The following PTPRK variants were observed in gnomAD, a reference collection of about 807,000 sequenced individuals.
The protein encoded by PTPRK is protein tyrosine phosphatase receptor type K.
A neutral mutation model predicts 178.0 loss-of-function variants in PTPRK; 75 were observed. The observed-to-expected ratio is 0.42, with a 90% CI of 0.35 to 0.51. The LOEUF (loss-of-function observed/expected upper bound fraction) is 0.51, where lower values mean the gene tolerates loss of function less well. Ranked by LOEUF, PTPRK falls within the 20% of genes least tolerant of loss-of-function variation. The pLI is 0.02. For synonymous variants in PTPRK, 637 were observed against 620.6 expected, an observed-to-expected ratio of 1.03 and a Z score of -0.39; for missense variants, 1,441 against 1,797.8, an observed-to-expected ratio of 0.80 and a Z score of 3.59.
In PTPRK at chr6:128,049,075, TA is replaced by T. The variant is rs374663139; in HGVS notation, c.2194+15682del. Among the ~76,000 whole-genome samples the T allele has an allele frequency of 3.1e-4, 47 of 152,118 alleles. No individual in the cohort carries two copies. The East Asian group carries it at 7.1e-3, about 23-fold the overall frequency. On this transcript the variant is annotated intron_variant, in intron 13 of 29. Coordinates refer to ENST00000368226, the MANE Select transcript of PTPRK (RefSeq NM_002844.4). ...GAATAGACAAGAAACATTATTAAAT[TA>T]AAAAAAACCTCTTTCACCATAAATA...
At chr6:128,281,807 A>G (rs1821717387) in intron 3 of PTPRK, among the ~76,000 whole-genome samples, 1 of 152,192 alleles carries the variant, frequency 6.6e-6, no homozygotes, top group South Asian at 2.1e-4. Flanking sequence ...GCCAGTGGCC[A>G]TATACTTATA....
intron 7 of PTPRK, among the ~76,000 whole-genome samples, chr6:128,132,045 A>T (rs1410461672): frequency 1.3e-5 from 2 of 152,240 alleles, no homozygotes; most frequent in Non-Finnish European, 2.9e-5. Context: ...TGCTCCTAAA[A>T]TTTCCACATT....
chr6:128,128,988 A>C (rs1218140926), intron 7 of PTPRK, among the ~76,000 whole-genome samples: 3 of 152,228 alleles, frequency 2.0e-5, no homozygotes, highest in Non-Finnish European at 4.4e-5. Flanking sequence ...CATTTTGAAA[A>C]GTAAGGCCTA....
chr6:128,421,885 G>A (rs910949347), intron 1 of PTPRK, among the ~76,000 whole-genome samples: 3 of 152,188 alleles, frequency 2.0e-5, no homozygotes, highest in Non-Finnish European at 4.4e-5. Context: ...TGGCTTATAA[G>A]AACACCTTAC....
At chr6:128,467,385 C>G (rs1008210657) in intron 1 of PTPRK, among the ~76,000 whole-genome samples, 7 of 152,142 alleles carry the variant, frequency 4.6e-5, no homozygotes, top group African/African-American at 1.4e-4. Flanking sequence ...AAAGTAAACC[C>G]TGCACATAGA....
intron 1 of PTPRK, among the ~76,000 whole-genome samples, chr6:128,482,911 C>T (rs530057408): frequency 4.6e-5 from 7 of 152,280 alleles, no homozygotes; most frequent in South Asian, 2.1e-4. Context: ...AGTCAGAGCA[C>T]GGAACCAGGT....
intron 1 of PTPRK, among the ~76,000 whole-genome samples, chr6:128,481,654 A>C (rs1377126742): frequency 6.6e-6 from 1 of 151,940 alleles, no homozygotes; most frequent in East Asian, 1.9e-4. Flanking sequence ...CTCTTTCTTG[A>C]CCTGATTCAG....
intron 3 of PTPRK, among the ~76,000 whole-genome samples, chr6:128,245,473 T>C (rs1382214399): frequency 6.6e-6 from 1 of 152,116 alleles, no homozygotes; most frequent in Non-Finnish European, 1.5e-5. Context: ...TCAATAACAA[T>C]GAGATAAGGT....
intron 3 of PTPRK, among the ~76,000 whole-genome samples, chr6:128,302,105 C>T (rs181983821): frequency 4.6e-5 from 7 of 151,824 alleles, no homozygotes; most frequent in East Asian, 1.9e-4. Context: ...AGCCAGGAAA[C>T]GGGCCGGGTG....
chr6:128,181,759 T>C (rs995745696), intron 7 of PTPRK, among the ~76,000 whole-genome samples: 1 of 152,046 alleles, frequency 6.6e-6, no homozygotes, highest in Non-Finnish European at 1.5e-5. Context: ...GACCTGAAAT[T>C]TGGGGAAAGG....
At chr6:127,988,489 C>T (rs772027569) in intron 21 of PTPRK, among the ~76,000 whole-genome samples, 2 of 151,796 alleles carry the variant, frequency 1.3e-5, no homozygotes, top group Non-Finnish European at 2.9e-5. Context: ...TATAAAGGAA[C>T]TTTAACTTTA....
intron 11 of PTPRK, among the ~76,000 whole-genome samples, chr6:128,075,806 T>A (rs184289674): frequency 6.6e-6 from 1 of 152,132 alleles, no homozygotes; most frequent in East Asian, 1.9e-4. Flanking sequence ...GGAGTTTGTT[T>A]GATATTAGGA....
intron 1 of PTPRK, among the ~76,000 whole-genome samples, chr6:128,418,850 CT>C (rs1230243083): frequency 6.6e-6 from 1 of 151,812 alleles, no homozygotes; most frequent in East Asian, 1.9e-4. Flanking sequence ...CTATATCATT[CT>C]TTTTTTCCAT....
At chr6:128,184,280 A>T (rs914306433) in intron 7 of PTPRK, 152 bp downstream of exon 7, 8 of 815,962 alleles carry the variant, frequency 9.8e-6, no homozygotes, top group Non-Finnish European at 1.5e-5. Flanking sequence ...ATTATGACAT[A>T]ATCAAGGTGA....
At chr6:128,325,971 A>G (rs909306989) in intron 2 of PTPRK, among the ~76,000 whole-genome samples, 1 of 152,220 alleles carries the variant, frequency 6.6e-6, no homozygotes, top group Non-Finnish European at 1.5e-5. Flanking sequence ...CATAAACACC[A>G]TGGAATACTG....
intron 21 of PTPRK, among the ~76,000 whole-genome samples, chr6:127,987,773 G>T (rs563109716): frequency 6.6e-6 from 1 of 152,160 alleles, no homozygotes; most frequent in South Asian, 2.1e-4. Flanking sequence ...ATTCATGATT[G>T]TAGAAGCAGT....
Position 128,477,894 on chromosome 6 carries a change from A to G in PTPRK, c.100+42365T>C, listed in dbSNP as rs1851569359. Reference sequence around the variant, plus strand: ...GTTCAATTCTGAGGCCTTTGAGGATAATTTAACAACTCCTTCTCCAGCCAT... The same window carrying G: ...GTTCAATTCTGAGGCCTTTGAGGATGATTTAACAACTCCTTCTCCAGCCAT... On this transcript the variant is annotated intron_variant, in intron 1 of 29. Transcript: ENST00000368226. Among the ~76,000 whole-genome samples the G allele has an allele frequency of 7.2e-5, 11 of 152,098 alleles. No individual in the cohort carries two copies. The South Asian group carries it at 2.3e-3, about 31-fold the overall frequency.
chr6:127,995,457 C>T lies in PTPRK; in HGVS notation c.2844+5G>A. The T allele has an allele frequency of 1.9e-6, 3 of 1,575,110 alleles. No homozygotes were observed. Among genetic ancestry groups the T allele is most frequent in the Non-Finnish European group, 2.6e-6 (3 of 1,149,336 alleles). Reference sequence around the variant, plus strand: ...GTAGACATACTTAACTATAAAAATACTTACATCAATATAGTTGGCATTAAT... The same window carrying T: ...GTAGACATACTTAACTATAAAAATATTTACATCAATATAGTTGGCATTAAT... On this transcript the variant is annotated splice_donor_5th_base_variant and intron_variant, in intron 18 of 29. Coordinates refer to ENST00000368226, the MANE Select transcript of PTPRK (RefSeq NM_002844.4).
chr6:128,255,905 T>C (rs182213001), intron 3 of PTPRK, among the ~76,000 whole-genome samples: 1 of 152,350 alleles, frequency 6.6e-6, no homozygotes, highest in African/African-American at 2.4e-5. Context: ...TCAGAACTTT[T>C]TCCTTTTCAA....
Sources: allele counts gnomAD v4.1 joint callset (sites outside exome capture counted in the v4.1 genomes callset), GRCh38; gene constraint gnomAD v4.1.1; transcripts MANE v1.5; gene names NCBI Gene and HGNC (gene_info 2026-07-23, HGNC 2026-07-21).